The following SLC9A2 variants were observed in gnomAD, a reference collection of about 807,000 sequenced individuals.
SLC9A2 encodes the protein solute carrier family 9 member A2.
SLC9A2 carries 42 observed loss-of-function variants against 71.7 expected under a neutral mutation model. The ratio of observed to expected loss-of-function variants is 0.59; its 90% CI spans 0.46 to 0.76. The LOEUF is 0.76. Ranked by LOEUF, SLC9A2 falls within the 30% of genes least tolerant of loss-of-function variation. The pLI, the probability that SLC9A2 is intolerant of heterozygous loss-of-function variation, is 0.00. For synonymous variants in SLC9A2, 396 were observed against 392.5 expected (o/e 1.01, Z -0.10); for missense variants, 829 against 1,017.4 (o/e 0.81, Z 2.52).
intron 1 of SLC9A2, among the ~76,000 whole-genome samples, chr2:102,645,098 A>C (rs1158636108): frequency 6.6e-6 from 1 of 152,204 alleles, no homozygotes; most frequent in African/African-American, 2.4e-5. Flanking sequence ...CTTCCAGAGG[A>C]AGGAGCAGGC....
intron 2 of SLC9A2, among the ~76,000 whole-genome samples, chr2:102,663,179 G>A (rs1677078516): frequency 6.6e-6 from 1 of 152,090 alleles, no homozygotes; most frequent in Non-Finnish European, 1.5e-5. Context: ...TCTCTGTCTG[G>A]CAAACAATGA....
Position 102,708,179 on chromosome 2 carries a change from G to C in SLC9A2, c.2129G>C (p.Arg710Thr), listed in dbSNP as rs890007211. The change falls in exon 12 of 12, where the codon AGA (arginine) becomes ACA (threonine). Residue 710 changes from arginine (R) to threonine (T), a missense_variant. Transcript: ENST00000233969. ...ACCACCGTGCTCAATTTGCAGCCCA[G>C]AGCCAGGCGCTTCTTGCCAGAACAG... Reference protein sequence around the residue: ...AGTTVLNLQPRARRFLPEQFS... With the variant: ...AGTTVLNLQPTARRFLPEQFS... The C allele has an allele frequency of 1.2e-6, 2 of 1,614,044 alleles. No individual in the cohort carries two copies. The highest frequency in any genetic ancestry group is 1.7e-5 in the Admixed American group (1 of 60,008).
chr2:102,631,439 A>T (rs1676354528), intron 1 of SLC9A2, among the ~76,000 whole-genome samples: 1 of 152,100 alleles, frequency 6.6e-6, no homozygotes, highest in South Asian at 2.1e-4. Flanking sequence ...CCTAGCACAT[A>T]GGTCACGCAT....
chr2:102,664,639 G>A (rs990228509), intron 2 of SLC9A2, among the ~76,000 whole-genome samples: 2 of 152,042 alleles, frequency 1.3e-5, no homozygotes, highest in Non-Finnish European at 2.9e-5. Flanking sequence ...GTCCTGATGC[G>A]TAGGTCCCTT....
intron 1 of SLC9A2, among the ~76,000 whole-genome samples, chr2:102,624,684 G>A (rs1457966802): frequency 6.6e-6 from 1 of 152,130 alleles, no homozygotes; most frequent in Non-Finnish European, 1.5e-5. Context: ...CCTTTCAAGT[G>A]TCACTGGTCA....
At position 102,665,275 on chromosome 2, in the gene SLC9A2, AGC is replaced by A; in HGVS notation, c.930_931del (p.Glu310AspfsTer16). The A allele has an allele frequency of 6.2e-7, 1 of 1,614,104 alleles. No homozygotes were observed. Among genetic ancestry groups the A allele is most frequent in the Non-Finnish European group, 8.5e-7 (1 of 1,180,016 alleles). Reference sequence around the variant, plus strand: ...TTCACCCATAATATCCGAGTGATCGAGCCACTGTTTGTTTTCCTGTACAGTTA... The same window carrying A: ...TTCACCCATAATATCCGAGTGATCGACACTGTTTGTTTTCCTGTACAGTTA... On this transcript the variant is annotated frameshift_variant, in exon 3 of 12. Transcript: ENST00000233969. LOFTEE classifies it high-confidence loss of function.
chr2:102,619,718 G>A lies in SLC9A2; in HGVS notation c.-131G>A. On this transcript the variant is annotated 5_prime_UTR_variant, in exon 1 of 12. Coordinates refer to ENST00000233969, the MANE Select transcript of SLC9A2 (RefSeq NM_003048.6). This position sits in a 1 kb window ranked among gnomAD's most constrained non-coding sequence, Gnocchi z 4.3. ...CTGGTTGCAGAGACCCGGTGCCGCA[G>A]CAGCGGCGGGTGGCTGTCGCTGCCC... 1 of 751,930 alleles carries A rather than the reference G, an allele frequency of 1.3e-6. No homozygotes were observed. The highest frequency in any genetic ancestry group is 1.9e-6 in the Non-Finnish European group (1 of 517,788). 46.6% of individuals were successfully genotyped at this position (751,930 alleles called of 1,614,324 possible). A position where few individuals can be genotyped will look rare whatever the true frequency, so the allele number is the denominator to read the frequency against.
At chr2:102,701,422 A>G (rs10182378) in intron 8 of SLC9A2, among the ~76,000 whole-genome samples, 191 bp downstream of exon 8, 2,516 of 152,324 alleles carry the variant, frequency 0.017, 66 homozygotes, top group African/African-American at 0.055. Flanking sequence ...CTATGGGGAC[A>G]TAAAGGTTAG....
chr2:102,642,464 TG>T (rs1245373916), intron 1 of SLC9A2, among the ~76,000 whole-genome samples: 1 of 152,130 alleles, frequency 6.6e-6, no homozygotes, highest in Non-Finnish European at 1.5e-5. Context: ...ATCGATACGA[TG>T]GATTACACTG....
intron 1 of SLC9A2, among the ~76,000 whole-genome samples, chr2:102,637,148 G>A (rs759106356): frequency 6.6e-6 from 1 of 152,188 alleles, no homozygotes; most frequent in Non-Finnish European, 1.5e-5. Context: ...CTAACAGACT[G>A]AGAGCAAGCT....
chr2:102,643,880 G>A (rs1319406724), intron 1 of SLC9A2, among the ~76,000 whole-genome samples: 1 of 149,990 alleles, frequency 6.7e-6, no homozygotes, highest in African/African-American at 2.5e-5. Context: ...GTTTTGACCT[G>A]TTGTATCTTT....
At chr2:102,688,999 G>A (rs1000775783) in intron 5 of SLC9A2, among the ~76,000 whole-genome samples, 13 of 152,266 alleles carry the variant, frequency 8.5e-5, no homozygotes, top group Non-Finnish European at 1.2e-4. Flanking sequence ...GTTAAGTCAC[G>A]GTGCAGAACT....
chr2:102,701,295 T>C, intron 8 of SLC9A2, 64 bp downstream of exon 8: 2 of 1,199,884 alleles, frequency 1.7e-6, no homozygotes, highest in Non-Finnish European at 2.3e-6. Flanking sequence ...ATTTTGAAAC[T>C]GGTAATAATA....
At chr2:102,674,212 T>A (rs1677307746) in intron 3 of SLC9A2, among the ~76,000 whole-genome samples, 1 of 152,224 alleles carries the variant, frequency 6.6e-6, no homozygotes, top group Non-Finnish European at 1.5e-5. Flanking sequence ...TTTCAGCCCC[T>A]TCGTGAGGAG....
intron 1 of SLC9A2, among the ~76,000 whole-genome samples, chr2:102,650,676 G>A (rs114680305): frequency 0.021 from 3,190 of 152,028 alleles, 124 homozygotes; most frequent in African/African-American, 0.073. Context: ...TTTCCTTATT[G>A]TTGTACAGCT....
chr2:102,658,948 A>G (rs530568005), intron 2 of SLC9A2, among the ~76,000 whole-genome samples: 3 of 152,306 alleles, frequency 2.0e-5, no homozygotes, highest in African/African-American at 7.2e-5. Flanking sequence ...GATAGCCACT[A>G]ACTTGTGAAT....
intron 1 of SLC9A2, among the ~76,000 whole-genome samples, chr2:102,628,430 G>T (rs1676291671): frequency 2.0e-5 from 3 of 152,082 alleles, no homozygotes; most frequent in Admixed American, 6.5e-5. Flanking sequence ...CCAAAGGAAT[G>T]CTTCATGAAC....
At chr2:102,644,131 C>T (rs202153853) in intron 1 of SLC9A2, among the ~76,000 whole-genome samples, 3 of 151,804 alleles carry the variant, frequency 2.0e-5, no homozygotes, top group South Asian at 2.1e-4. Context: ...CTGAGGTACC[C>T]GGGTCATCTC....
chr2:102,624,173 T>C (rs1426738283), intron 1 of SLC9A2, among the ~76,000 whole-genome samples: 1 of 152,120 alleles, frequency 6.6e-6, no homozygotes, highest in Admixed American at 6.6e-5. Context: ...ATGAAGTAGG[T>C]CAAAATATTT....
Sources: gnomAD v4.1 joint callset for allele counts (sites outside exome capture counted in the v4.1 genomes callset) on GRCh38, gnomAD v4.1.1 for gene constraint, Gnocchi (gnomAD v3.1) non-coding constraint, MANE v1.5 for transcripts, NCBI Gene and HGNC (gene_info 2026-07-23, HGNC 2026-07-21) for gene names.